The following DENND2A variants were observed in gnomAD, a reference collection of about 807,000 sequenced individuals.
DENND2A encodes the protein DENN domain containing 2A.
In DENND2A, 53 loss-of-function variants were observed where a neutral mutation model predicts 105.3. The observed-to-expected ratio is 0.50, with a 90% CI of 0.40 to 0.63. DENND2A has a LOEUF of 0.63. DENND2A is among the 30% of genes least tolerant of loss of function. The pLI is 0.00. For missense variants in DENND2A, 1,138 were observed against 1,279.6 expected (o/e 0.89, Z 1.69); for synonymous variants, 522 against 508.4 (o/e 1.03, Z -0.36).
At chr7:140,584,047 G>T (rs367701785) in intron 5 of DENND2A, among the ~76,000 whole-genome samples, 2 of 148,276 alleles carry the variant, frequency 1.3e-5, no homozygotes, top group Admixed American at 6.6e-5. Flanking sequence ...TTTGAGACCA[G>T]CCTGGCCAAC....
At chr7:140,584,554 T>C (rs1798696221) in intron 5 of DENND2A, among the ~76,000 whole-genome samples, 1 of 152,190 alleles carries the variant, frequency 6.6e-6, no homozygotes, top group Non-Finnish European at 1.5e-5. Context: ...CTGCAGGCAA[T>C]GGGTTGAAAT....
At chr7:140,625,198 GA>G (rs1162378393) in intron 1 of DENND2A, among the ~76,000 whole-genome samples, 2 of 151,970 alleles carry the variant, frequency 1.3e-5, no homozygotes, top group Non-Finnish European at 2.9e-5. Flanking sequence ...CTAACATGGT[GA>G]AACCCTGTCT....
chr7:140,577,399 C>CTTTTTTTTTTTTTTTTTTTTT (rs60840763), intron 5 of DENND2A, among the ~76,000 whole-genome samples: 1 of 141,962 alleles, frequency 7.0e-6, no homozygotes, highest in African/African-American at 2.6e-5. Flanking sequence ...AAAACTTTTT[C>CTTTTTTTTTTTTTTTTTTTTT]TTTTTTTTTT....
chr7:140,619,017 C>G (rs1319594650), intron 1 of DENND2A, among the ~76,000 whole-genome samples: 1 of 152,084 alleles, frequency 6.6e-6, no homozygotes, highest in African/African-American at 2.4e-5. Context: ...CCAGGATGGT[C>G]TCGATCTCCT....
At chr7:140,626,878 T>C (rs951633408) in intron 1 of DENND2A, among the ~76,000 whole-genome samples, 3 of 152,042 alleles carry the variant, frequency 2.0e-5, no homozygotes, top group African/African-American at 7.2e-5. Flanking sequence ...TGAGAGAGGG[T>C]TTATCATAAG....
intron 18 of DENND2A, 24 bp from the exon 19 acceptor site, chr7:140,519,742 C>T: frequency 6.2e-7 from 1 of 1,607,610 alleles, no homozygotes; most frequent in Non-Finnish European, 8.5e-7. Context: ...AAATCCCAGC[C>T]ATTTGAGTTC....
In DENND2A at chr7:140,577,466, C is replaced by T. The variant is rs183745445; in HGVS notation, c.1246-3458G>A. ...AGGCTGGAGTGCAGTGGCACAATCTCGGCTAACTGCAACCTCCACCTCGCG... is the reference window on the plus strand; with the variant it reads ...AGGCTGGAGTGCAGTGGCACAATCTTGGCTAACTGCAACCTCCACCTCGCG... On this transcript the variant is annotated intron_variant, in intron 5 of 19. Transcript: ENST00000496613. 6.7e-3 allele frequency among the ~76,000 whole-genome samples: 1,012 copies of T among 151,234 alleles called. 14 individuals carry two copies. Among genetic ancestry groups the T allele is most frequent in the African/African-American group, 0.024 (969 of 41,184 alleles).
intron 6 of DENND2A, among the ~76,000 whole-genome samples, chr7:140,573,255 T>C (rs1798167393): frequency 6.6e-6 from 1 of 152,192 alleles, no homozygotes. Context: ...CTGCCTACCC[T>C]ACAGTACCAA....
In DENND2A at chr7:140,554,367, C is replaced by A. The variant is rs111364978; in HGVS notation, c.2037+1269G>T. 7.5e-3 allele frequency among the ~76,000 whole-genome samples: 1,138 copies of A among 152,150 alleles called. 16 individuals carry two copies. Among genetic ancestry groups the A allele is most frequent in the African/African-American group, 0.026 (1,087 of 41,504 alleles). On this transcript the variant is annotated intron_variant, in intron 12 of 19. Coordinates refer to ENST00000496613, the MANE Select transcript of DENND2A (RefSeq NM_015689.5). ...ATAAATTTATGAATTAGGCCAGACG[C>A]GGTGGCTCACGCCTATAATCCCAGC...
chr7:140,612,321 T>C lies in DENND2A; in HGVS notation c.-247-6515A>G, dbSNP rs114330442. 9.1e-3 allele frequency among the ~76,000 whole-genome samples: 1,386 copies of C among 151,488 alleles called. 19 individuals carry two copies. The highest frequency in any genetic ancestry group is 0.032 in the African/African-American group (1,302 of 41,274). On this transcript the variant is annotated intron_variant, in intron 1 of 19. Coordinates refer to ENST00000496613, the MANE Select transcript of DENND2A (RefSeq NM_015689.5). ...GTGGAAATAAATTATGTAAGTACAG[T>C]GTATATTCCGTGAAAAAAATAAGAT...
Position 140,602,082 on chromosome 7 carries a change from T to G in DENND2A, c.316A>C (p.Thr106Pro), listed in dbSNP as rs377279169. The part of the protein sequence containing the change: ...KNGMRPGTES[T>P]EKERNKGAVN... ...GCTCCTTTATTCCTCTCCTTCTCTG[T>G]GCTCTCTGTTCCTGGCCTCATTCCA... is the stretch of plus-strand genomic sequence containing the variant. The change falls in exon 3 of 20, where the codon ACA becomes CCA. Residue 106 changes from threonine to proline, a missense_variant. By Grantham distance (38) the Thr-to-Pro change is conservative. Coordinates refer to ENST00000496613, the MANE Select transcript of DENND2A (RefSeq NM_015689.5). 1 of 1,614,192 alleles carries G rather than the reference T, an allele frequency of 6.2e-7. No homozygotes were observed. The highest frequency in any genetic ancestry group is 2.2e-5 in the East Asian group (1 of 44,864).
rs193082634 is a variant in DENND2A at position 140,630,452 on chromosome 7, A to G, written c.-248+10052T>C. ...CTTTGGTCTACTGTGAGGGTTGCAT[A>G]AATACTTGTTGAATAAGAATAGGAG... On this transcript the variant is annotated intron_variant, in intron 1 of 19. Transcript: ENST00000496613. 4.6e-5 allele frequency among the ~76,000 whole-genome samples: 7 copies of G among 152,270 alleles called. No individual in the cohort carries two copies. In the East Asian group the frequency reaches 1.4e-3, roughly 29 times the overall value.
intron 14 of DENND2A, among the ~76,000 whole-genome samples, chr7:140,533,710 G>C (rs942394397): frequency 2.0e-5 from 3 of 152,178 alleles, no homozygotes; most frequent in Non-Finnish European, 4.4e-5. Flanking sequence ...CGCGTGGGAG[G>C]AGCTGCCCGT....
intron 1 of DENND2A, among the ~76,000 whole-genome samples, chr7:140,632,919 T>C (rs1408439005): frequency 6.8e-6 from 1 of 147,918 alleles, no homozygotes; most frequent in Admixed American, 6.8e-5. Context: ...TGGAGTCCAG[T>C]GGCGCAATCT....
intron 11 of DENND2A, 65 bp from the exon 12 acceptor site, chr7:140,555,778 A>T: frequency 7.0e-7 from 1 of 1,438,132 alleles, no homozygotes; most frequent in Non-Finnish European, 9.5e-7. Flanking sequence ...AGGAACCCAC[A>T]TGTTTTTTGC....
chr7:140,613,575 G>A (rs1799978640), intron 1 of DENND2A, among the ~76,000 whole-genome samples: 1 of 150,732 alleles, frequency 6.6e-6, no homozygotes, highest in Non-Finnish European at 1.5e-5. Context: ...TCTAGCCTGG[G>A]CAACACAGCA....
intron 14 of DENND2A, among the ~76,000 whole-genome samples, chr7:140,534,244 C>T (rs1341462176): frequency 6.6e-6 from 1 of 151,980 alleles, no homozygotes; most frequent in Admixed American, 6.6e-5. Context: ...GCCACCACGC[C>T]CAGCTAATTT....
In DENND2A at chr7:140,640,460, C is replaced by T. The variant is rs530788748; in HGVS notation, c.-248+44G>A. ...GCGTCCCCTCCTCCGTCCCCTTTCC[C>T]TCCCCAGCTCGACCCTGCACCCCCT... On this transcript the variant is annotated intron_variant, in intron 1 of 19. Coordinates refer to ENST00000496613, the MANE Select transcript of DENND2A (RefSeq NM_015689.5). This position sits in a 1 kb window ranked among gnomAD's most constrained non-coding sequence, Gnocchi z 4.9. The T allele has an allele frequency of 6.6e-6, 1 of 151,938 alleles. No homozygotes were observed. Among genetic ancestry groups the T allele is most frequent in the East Asian group, 2.0e-4 (1 of 5,122 alleles). 9.4% of individuals were successfully genotyped at this position (151,938 alleles called of 1,614,324 possible).
Position 140,523,178 on chromosome 7 carries a change from T to G in DENND2A, c.2665+129A>C. 1.2e-6 allele frequency: 1 copy of G among 802,118 alleles called. No individual in the cohort carries two copies. The highest frequency in any genetic ancestry group is 2.1e-6 in the Non-Finnish European group (1 of 479,406). 49.7% of individuals were successfully genotyped at this position (802,118 alleles called of 1,614,324 possible). A position where few individuals can be genotyped will look rare whatever the true frequency, so the allele number is the denominator to read the frequency against. On this transcript the variant is annotated intron_variant, in intron 17 of 19. Transcript: ENST00000496613. The surrounding 1 kb of genome is among the most constrained non-coding windows in gnomAD (Gnocchi z 4.5). Reference sequence around the variant, plus strand: ...GGGAATGAAATCCAGATAAACAGAATGAGGCCCTGGTTTCTCTCCTTATGT... The same window carrying G: ...GGGAATGAAATCCAGATAAACAGAAGGAGGCCCTGGTTTCTCTCCTTATGT...
Sources: allele counts gnomAD v4.1 joint callset (sites outside exome capture counted in the v4.1 genomes callset), GRCh38; gene constraint gnomAD v4.1.1; non-coding constraint Gnocchi (gnomAD v3.1); transcripts MANE v1.5; gene names NCBI Gene and HGNC (gene_info 2026-07-23, HGNC 2026-07-21).